Variants in SAMMSON observed in about 807,000 individuals in gnomAD.
The protein encoded by SAMMSON is survival associated mitochondrial melanoma specific oncogenic non-coding RNA.
intron 6 of SAMMSON, among the ~76,000 whole-genome samples, chr3:70,265,678 T>A (rs1701910767): frequency 6.6e-6 from 1 of 152,216 alleles, no homozygotes. Flanking sequence ...TAGTCCATTC[T>A]CACACTGCTG....
chr3:70,243,701 C>T (rs1162805343), intron 4 of SAMMSON, among the ~76,000 whole-genome samples: 3 of 152,072 alleles, frequency 2.0e-5, no homozygotes, highest in African/African-American at 7.2e-5. Flanking sequence ...CCTAACGTCC[C>T]CTGGGGAGTG....
intron 4 of SAMMSON, among the ~76,000 whole-genome samples, chr3:70,236,790 C>A (rs1436984208): frequency 6.6e-6 from 1 of 152,090 alleles, no homozygotes; most frequent in Non-Finnish European, 1.5e-5. Flanking sequence ...GGAATGGGGT[C>A]TTTGTATGTT....
At chr3:70,288,577 A>G (rs9882225) in intron 6 of SAMMSON, among the ~76,000 whole-genome samples, 50,933 of 138,640 alleles carry the variant, frequency 0.37, 9,970 homozygotes, top group South Asian at 0.51. Flanking sequence ...TATTAGGTCC[A>G]CTTGCTGCAG....
intron 7 of SAMMSON, among the ~76,000 whole-genome samples, chr3:70,304,543 CG>C (rs1362664922): frequency 4.6e-5 from 7 of 152,110 alleles, no homozygotes; most frequent in African/African-American, 1.7e-4. Context: ...TTTCTAAAGC[CG>C]GGGGTCAGCC....
intron 4 of SAMMSON, among the ~76,000 whole-genome samples, chr3:70,170,096 C>T (rs1260650852): frequency 6.6e-6 from 1 of 151,836 alleles, no homozygotes; most frequent in East Asian, 1.9e-4. Flanking sequence ...AGCTCATATG[C>T]TCATCCAAGT....
At chr3:70,018,134 A>G (rs12634821) in intron 3 of SAMMSON, among the ~76,000 whole-genome samples, 8 of 151,860 alleles carry the variant, frequency 5.3e-5, no homozygotes, top group South Asian at 2.1e-4. Context: ...TTTTTCTATC[A>G]ATTGGAATAG....
chr3:70,294,517 A>G (rs1227858583), intron 7 of SAMMSON, among the ~76,000 whole-genome samples: 2 of 152,150 alleles, frequency 1.3e-5, no homozygotes, highest in African/African-American at 4.8e-5. Flanking sequence ...TATGAGGAAA[A>G]AAGTAAAATA....
At chr3:70,093,832 C>T (rs2067313810) in intron 4 of SAMMSON, among the ~76,000 whole-genome samples, 1 of 152,112 alleles carries the variant, frequency 6.6e-6, no homozygotes, top group African/African-American at 2.4e-5. Flanking sequence ...CATATTGGCC[C>T]ATTCATTTAA....
chr3:70,149,662 G>A (rs531078382), intron 4 of SAMMSON, among the ~76,000 whole-genome samples: 1 of 152,174 alleles, frequency 6.6e-6, no homozygotes, highest in African/African-American at 2.4e-5. Flanking sequence ...ATTTCAAGCG[G>A]GGCTCTGGAC....
At chr3:70,326,073 C>T (rs150175523) in intron 7 of SAMMSON, among the ~76,000 whole-genome samples, 1 of 152,294 alleles carries the variant, frequency 6.6e-6, no homozygotes, top group East Asian at 1.9e-4. Flanking sequence ...ATCGGCATAA[C>T]TGCTGAGTAT....
At chr3:70,274,060 T>C (rs1319287635) in intron 6 of SAMMSON, among the ~76,000 whole-genome samples, 3 of 146,524 alleles carry the variant, frequency 2.0e-5, no homozygotes, top group African/African-American at 7.6e-5. Flanking sequence ...AACCTCCGTG[T>C]GTGTGTGTGT....
intron 5 of SAMMSON, chr3:70,249,205 T>A (rs80206468): frequency 6.6e-6 from 1 of 152,150 alleles, no homozygotes; most frequent in Admixed American, 6.6e-5. Flanking sequence ...AGGTATGAAG[T>A]GAATCAAGAG....
At chr3:70,267,981 GCCTCCCCTTTCA>G (rs1311734746) in intron 6 of SAMMSON, among the ~76,000 whole-genome samples, 1 of 111,774 alleles carries the variant, frequency 8.9e-6, no homozygotes. Context: ...CTCCCCTTTC[GCCTCCCCTTTCA>G]CCTCCCCTTT....
chr3:70,217,186 G>A (rs137871221), intron 4 of SAMMSON, among the ~76,000 whole-genome samples: 5 of 152,194 alleles, frequency 3.3e-5, no homozygotes, highest in South Asian at 2.1e-4. Flanking sequence ...CTGGGAGACC[G>A]TAGGTACTCA....
chr3:70,183,959 T>A (rs1351893272), intron 4 of SAMMSON: 5 of 152,164 alleles, frequency 3.3e-5, no homozygotes, highest in Admixed American at 2.6e-4. Context: ...ACAATCTTTT[T>A]TGGATGTCAT....
chr3:70,430,547 A>C (rs1249743229), intron 2 of SAMMSON, among the ~76,000 whole-genome samples: 1 of 152,176 alleles, frequency 6.6e-6, no homozygotes, highest in Non-Finnish European at 1.5e-5. Context: ...GGGAGTAGCC[A>C]GGAAAAGAGT....
At chr3:70,006,115 C>T (rs2066925308) in intron 1 of SAMMSON, among the ~76,000 whole-genome samples, 1 of 152,002 alleles carries the variant, frequency 6.6e-6, no homozygotes, top group African/African-American at 2.4e-5. Context: ...GATTTAAATC[C>T]CTAAAACCTT....
chr3:70,147,761 C>T (rs185128644), intron 4 of SAMMSON, among the ~76,000 whole-genome samples: 18 of 152,102 alleles, frequency 1.2e-4, no homozygotes, highest in Admixed American at 2.6e-4. Flanking sequence ...GACATGCCAT[C>T]AAAATATAAT....
intron 6 of SAMMSON, among the ~76,000 whole-genome samples, chr3:70,273,004 C>G (rs1701988727): frequency 6.6e-6 from 1 of 152,180 alleles, no homozygotes. Flanking sequence ...CAAATCACTT[C>G]CTCCCTTATC....
Sources: allele counts gnomAD v4.1 joint callset (sites outside exome capture counted in the v4.1 genomes callset), GRCh38; gene constraint gnomAD v4.1.1; transcripts MANE v1.5; gene names NCBI Gene and HGNC (gene_info 2026-07-23, HGNC 2026-07-21).